SEMA3F: variants seen among roughly 807,000 people sequenced by gnomAD.
SEMA3F encodes the protein semaphorin-3F.
Under a neutral mutation model 98.5 loss-of-function variants are expected in SEMA3F, and 30 were observed. That is an observed-to-expected ratio of 0.30 (90% CI 0.23 to 0.41). SEMA3F has a LOEUF of 0.41. SEMA3F is among the 10% of genes least tolerant of loss of function. The pLI, the probability that SEMA3F is intolerant of heterozygous loss-of-function variation, is 1.00. For missense variants in SEMA3F, 866 were observed against 1,119.3 expected, an observed-to-expected ratio of 0.77 and a Z score of 3.23; for synonymous variants, 380 against 444.8, an observed-to-expected ratio of 0.85 and a Z score of 1.83.
chr3:50,175,073 AC>A (rs755983238), intron 5 of SEMA3F, 22 bp from the exon 6 acceptor site: 4 of 1,572,536 alleles, frequency 2.5e-6, no homozygotes, highest in Non-Finnish European at 3.5e-6. Context: ...CCCAGCTCTA[AC>A]CCCTGTTCCT....
chr3:50,176,489 G>A (rs77590670), intron 6 of SEMA3F, among the ~76,000 whole-genome samples: 29 of 152,320 alleles, frequency 1.9e-4, no homozygotes, highest in African/African-American at 6.7e-4. Context: ...CCCACTCCAT[G>A]TCCATCTCAT....
intron 2 of SEMA3F, among the ~76,000 whole-genome samples, chr3:50,163,005 C>T (rs1005177873): frequency 6.6e-6 from 1 of 152,164 alleles, no homozygotes; most frequent in African/African-American, 2.4e-5. Context: ...AGGAGGCTTA[C>T]GGGGGCTGAG....
In SEMA3F at chr3:50,185,680, C is replaced by T. The variant is rs372740024; in HGVS notation, c.1560C>T (p.Val520=). 81 of 1,614,182 alleles carry T rather than the reference C, an allele frequency of 5.0e-5. No individual in the cohort carries two copies. Among genetic ancestry groups the T allele is most frequent in the Non-Finnish European group, 6.8e-5 (80 of 1,180,026 alleles). Residue 520 remains valine (V), a synonymous_variant, in exon 15 of 19, where the codon GTC becomes GTT. Transcript: ENST00000002829. ...TCTTTTTCTAGGATCCAGCACCCGT[C>T]AAGACCATGACCATCTCTTCTAAGA... ...EVEVFKDPAP[V]KTMTISSKRQ...
Position 50,186,635 on chromosome 3 carries a change from T to C in SEMA3F, c.1836T>C (p.Ser612=). 6.2e-7 allele frequency: 1 copy of C among 1,601,262 alleles called. No individual in the cohort carries two copies. The highest frequency in any genetic ancestry group is 1.7e-5 in the Admixed American group (1 of 59,564). ...NSNANKNAVE[S]VQYGVAGSAA... Reference sequence around the variant, plus strand: ...AAGCCAACAAGAATGCCGTGGAGTCTGTGCAGTATGGCGTGGCCGGCAGCG... The same window carrying C: ...AAGCCAACAAGAATGCCGTGGAGTCCGTGCAGTATGGCGTGGCCGGCAGCG... The change falls in exon 18 of 19, where the codon TCT becomes TCC. Residue 612 remains serine (S), a synonymous_variant. Transcript: ENST00000002829.
At chr3:50,165,242 C>T (rs971114682) in intron 2 of SEMA3F, among the ~76,000 whole-genome samples, 4 of 152,128 alleles carry the variant, frequency 2.6e-5, no homozygotes, top group African/African-American at 9.7e-5. Flanking sequence ...TGTGGTGCAG[C>T]ACCTGGGGAA....
intron 7 of SEMA3F, among the ~76,000 whole-genome samples, chr3:50,181,626 CTT>C (rs879346985): frequency 1.5e-5 from 2 of 136,920 alleles, no homozygotes. Flanking sequence ...TGCCCGGCCT[CTT>C]TTTTTTTTTT....
intron 7 of SEMA3F, among the ~76,000 whole-genome samples, chr3:50,179,621 T>C (rs965540041): frequency 3.3e-5 from 5 of 152,238 alleles, no homozygotes; most frequent in Non-Finnish European, 5.9e-5. Context: ...CCACTGGCCC[T>C]GGCCAGAAGG....
At chr3:50,177,183 A>G (rs1452897169) in intron 7 of SEMA3F, among the ~76,000 whole-genome samples, 1 of 152,204 alleles carries the variant, frequency 6.6e-6, no homozygotes, top group Non-Finnish European at 1.5e-5. Flanking sequence ...AGAGAAGATA[A>G]GCCGAGTGCG....
intron 2 of SEMA3F, among the ~76,000 whole-genome samples, chr3:50,168,363 A>C (rs1486112092): frequency 6.6e-6 from 1 of 152,128 alleles, no homozygotes; most frequent in Non-Finnish European, 1.5e-5. Context: ...GCCCAGCCCC[A>C]TGTGGGACCT....
At position 50,173,787 on chromosome 3, in the gene SEMA3F, C is replaced by T. The variant is rs112798318; in HGVS notation, c.113-6C>T. On this transcript the variant is annotated splice_region_variant and splice_polypyrimidine_tract_variant and intron_variant, in intron 2 of 18. Transcript: ENST00000002829. ...TCCTAATTGGTGCCCTGCCCTCCAC[C>T]CACAGAGCTGAAGGCCACAGGCACC... The T allele has an allele frequency of 1.9e-3, 3,098 of 1,613,788 alleles. 42 individuals are homozygous for T. In the African/African-American group the frequency reaches 0.031, roughly 16 times the overall value.
rs1004179006 is a variant in SEMA3F at position 50,176,852 on chromosome 3, G to A, written c.634G>A (p.Ala212Thr). The stretch of plus-strand genomic sequence containing the variant: ...CGATCCCAAGCTGGACACAGCATCG[G>A]CCCTCATCAGTGAGTGCCCCCCAAC... Reference protein sequence around the residue: ...PYDPKLDTASALINEELYAGV... With the variant: ...PYDPKLDTASTLINEELYAGV... Residue 212 changes from alanine to threonine, a missense_variant, in exon 7 of 19, where the codon GCC becomes ACC. Ala to Thr is a moderately conservative substitution (Grantham distance 58). Around this residue, in one of 3 missense-constraint regions of SEMA3F, gnomAD observed 374 missense variants for 582.8 expected, o/e 0.64. Coordinates refer to ENST00000002829, the MANE Select transcript of SEMA3F (RefSeq NM_004186.5). 2 of 1,613,284 alleles carry A rather than the reference G, an allele frequency of 1.2e-6. No individual in the cohort carries two copies. The highest frequency in any genetic ancestry group is 2.7e-5 in the African/African-American group (2 of 74,912).
intron 12 of SEMA3F, chr3:50,184,351 C>G (rs557507099): frequency 1.8e-6 from 1 of 564,852 alleles, no homozygotes; most frequent in African/African-American, 1.9e-5. Context: ...TGGCCAAATG[C>G]TGCCACGAGG....
intron 7 of SEMA3F, among the ~76,000 whole-genome samples, chr3:50,178,056 A>G (rs573286037): frequency 2.6e-5 from 4 of 152,230 alleles, no homozygotes; most frequent in Non-Finnish European, 4.4e-5. Context: ...ACCCTGGCCA[A>G]CATGGTGAAA....
At chr3:50,162,703 T>A (rs1216834319) in intron 2 of SEMA3F, among the ~76,000 whole-genome samples, 2 of 152,156 alleles carry the variant, frequency 1.3e-5, no homozygotes, top group African/African-American at 2.4e-5. Flanking sequence ...GGGGAGTGTT[T>A]ACTTTTTCCC....
At position 50,173,720 on chromosome 3, in the gene SEMA3F, C is replaced by A; in HGVS notation, c.113-73C>A. Reference sequence around the variant, plus strand: ...GAGGGGAACCTCAGGGCCTCAGTCTCCCCTTTATCAGAGGGGGTATGGCTG... The same window carrying A: ...GAGGGGAACCTCAGGGCCTCAGTCTACCCTTTATCAGAGGGGGTATGGCTG... On this transcript the variant is annotated intron_variant, in intron 2 of 18. Coordinates refer to ENST00000002829, the MANE Select transcript of SEMA3F (RefSeq NM_004186.5). 2.9e-6 allele frequency: 4 copies of A among 1,363,304 alleles called. No homozygotes were observed. In the Admixed American group the frequency reaches 7.3e-5, roughly 25 times the overall value. 84.5% of individuals were successfully genotyped at this position (1,363,304 alleles called of 1,614,324 possible). A position where few individuals can be genotyped will look rare whatever the true frequency, so the allele number is the denominator to read the frequency against.
Position 50,176,876 on chromosome 3 carries a change from A to T in SEMA3F, c.643+15A>T. 1 of 1,594,640 alleles carries T rather than the reference A, an allele frequency of 6.3e-7. No homozygotes were observed. Among genetic ancestry groups the T allele is most frequent in the Non-Finnish European group, 8.6e-7 (1 of 1,162,850 alleles). On this transcript the variant is annotated intron_variant, in intron 7 of 18. Transcript: ENST00000002829. Reference sequence around the variant, plus strand: ...GGCCCTCATCAGTGAGTGCCCCCCAACCCCGCTCTACAGTCTCAATGTGTG... The same window carrying T: ...GGCCCTCATCAGTGAGTGCCCCCCATCCCCGCTCTACAGTCTCAATGTGTG...
Position 50,156,691 on chromosome 3 carries a change from G to A in SEMA3F, c.-49+1127G>A, listed in dbSNP as rs1487059669. On this transcript the variant is annotated intron_variant, in intron 1 of 18. Coordinates refer to ENST00000002829, the MANE Select transcript of SEMA3F (RefSeq NM_004186.5). This position sits in a 1 kb window ranked among gnomAD's most constrained non-coding sequence, Gnocchi z 4.5. ...TAGGGTATAGTGTCTAGGCAGGCGG[G>A]GGGCACAGGCATGCCTACTCCTGCT... is the stretch of plus-strand genomic sequence containing the variant. Among the ~76,000 whole-genome samples, 1 of 152,212 alleles carries A rather than the reference G, an allele frequency of 6.6e-6. No homozygotes were observed. Among genetic ancestry groups the A allele is most frequent in the Non-Finnish European group, 1.5e-5 (1 of 68,026 alleles).
At chr3:50,183,146 G>C in intron 10 of SEMA3F, 40 bp from the exon 11 acceptor site, 1 of 1,604,268 alleles carries the variant, frequency 6.2e-7, no homozygotes, top group Non-Finnish European at 8.5e-7. Flanking sequence ...AGGGGCTCCC[G>C]CCCATGGCAC....
At chr3:50,186,443 C>T (rs1699218394) in intron 17 of SEMA3F, 95 bp downstream of exon 17, 4 of 1,439,130 alleles carry the variant, frequency 2.8e-6, no homozygotes, top group Admixed American at 3.7e-5. Flanking sequence ...TGTAAGGGTG[C>T]TCTGATGGCT....
Sources: gnomAD v4.1 joint callset for allele counts (sites outside exome capture counted in the v4.1 genomes callset) on GRCh38, gnomAD v4.1.1 for gene constraint, gnomAD v4.1.1 regional missense constraint, Gnocchi (gnomAD v3.1) non-coding constraint, MANE v1.5 for transcripts, NCBI Gene and HGNC (gene_info 2026-07-23, HGNC 2026-07-21) for gene names.